The following ROBO2 variants were observed in gnomAD, a reference collection of about 807,000 sequenced individuals.
The protein encoded by ROBO2 is roundabout homolog 2.
ROBO2 carries 53 observed loss-of-function variants against 160.8 expected under a neutral mutation model. That is an observed-to-expected ratio of 0.33 (90% CI 0.26 to 0.41). ROBO2 has a LOEUF of 0.41. Ranked by LOEUF, ROBO2 falls within the 10% of genes least tolerant of loss-of-function variation. The pLI is 1.00. For missense variants in ROBO2, 1,577 were observed against 1,722.4 expected (o/e 0.92, Z 1.49); for synonymous variants, 664 against 611.7 (o/e 1.09, Z -1.26).
chr3:77,026,562 A>T lies in ROBO2; in HGVS notation c.110-71452A>T, dbSNP rs186109674. ...CTGAAACCCAAAGGCATGATTCTTT[A>T]TCTTCTGCAAAGGGCTCAGACTCAA... On this transcript the variant is annotated intron_variant, in intron 2 of 26. Transcript: ENST00000487694. Among the ~76,000 whole-genome samples, 389 of 152,310 alleles carry T rather than the reference A, an allele frequency of 2.6e-3. 4 individuals carry two copies. Among genetic ancestry groups the T allele is most frequent in the African/African-American group, 8.5e-3 (354 of 41,574 alleles).
rs772901327 is a variant in ROBO2 at position 76,058,140 on chromosome 3, C to G, written c.109+120538C>G. Among the ~76,000 whole-genome samples the G allele has an allele frequency of 4.6e-5, 7 of 151,996 alleles. No homozygotes were observed. In the Middle Eastern group the frequency reaches 0.017, roughly 369 times the overall value. On this transcript the variant is annotated intron_variant, in intron 2 of 26. Coordinates refer to the ROBO2 transcript ENST00000487694. Reference sequence around the variant, plus strand: ...AAACTATACTTTCAGTTCTGGGACACATGTGCAGAATGTGCAGGTTTGTTA... The same window carrying G: ...AAACTATACTTTCAGTTCTGGGACAGATGTGCAGAATGTGCAGGTTTGTTA...
chr3:76,013,504 A>G (rs528835600), intron 2 of ROBO2, among the ~76,000 whole-genome samples: 14 of 150,662 alleles, frequency 9.3e-5, no homozygotes, highest in South Asian at 2.1e-4. Flanking sequence ...GCATAAAGGC[A>G]GTTGGAGGCT....
intron 2 of ROBO2, among the ~76,000 whole-genome samples, chr3:76,955,900 A>AG (rs1490572893): frequency 1.3e-5 from 2 of 151,716 alleles, no homozygotes; most frequent in African/African-American, 4.8e-5. Flanking sequence ...AAAAAAAAAA[A>AG]AAAAGAAAGA....
At chr3:76,790,434 A>C (rs1359391518) in intron 2 of ROBO2, among the ~76,000 whole-genome samples, 1 of 151,702 alleles carries the variant, frequency 6.6e-6, no homozygotes, top group Non-Finnish European at 1.5e-5. Context: ...CACTAGTGCT[A>C]ATTGAACTAC....
chr3:76,791,827 C>T (rs955962420), intron 2 of ROBO2, among the ~76,000 whole-genome samples: 9 of 151,970 alleles, frequency 5.9e-5, no homozygotes, highest in African/African-American at 2.2e-4. Flanking sequence ...CACACACACA[C>T]ACACAAAATG....
rs979675738 is a variant in ROBO2 at position 76,519,525 on chromosome 3, G to A, written c.110-578489G>A. On this transcript the variant is annotated intron_variant, in intron 2 of 26. Coordinates refer to the ROBO2 transcript ENST00000487694. ...GGTAGAGGGTTAAAGGTGGGTACAC[G>A]ACAGTCAGGGGATAATTTAATAAAC... Among the ~76,000 whole-genome samples, 16 of 152,268 alleles carry A rather than the reference G, an allele frequency of 1.1e-4. 1 individual carries two copies. Among genetic ancestry groups the A allele is most frequent in the Middle Eastern group, 3.4e-3 (1 of 294 alleles).
Position 76,883,109 on chromosome 3 carries a change from A to G in ROBO2, c.110-214905A>G, listed in dbSNP as rs181321474. Among the ~76,000 whole-genome samples, 330 of 152,268 alleles carry G rather than the reference A, an allele frequency of 2.2e-3. 3 individuals are homozygous for G. Among genetic ancestry groups the G allele is most frequent in the African/African-American group, 7.6e-3 (314 of 41,558 alleles). On this transcript the variant is annotated intron_variant, in intron 2 of 26. Transcript: ENST00000487694. ...TATTTTAGGGTTTCCCTGATTTTAT[A>G]AAGCATTTGTCTGACATATTATAAC...
intron 2 of ROBO2, among the ~76,000 whole-genome samples, chr3:76,209,677 G>T (rs1298688853): frequency 6.6e-6 from 1 of 152,100 alleles, no homozygotes; most frequent in African/African-American, 2.4e-5. Context: ...GGCATAGGAT[G>T]TAATTCTTGT....
chr3:77,390,879 A>T (rs1203275362), intron 2 of ROBO2, among the ~76,000 whole-genome samples: 1 of 152,090 alleles, frequency 6.6e-6, no homozygotes, highest in Non-Finnish European at 1.5e-5. Flanking sequence ...ACAATTCAGC[A>T]CATCTCACCA....
At chr3:76,684,209 A>G (rs1404313630) in intron 2 of ROBO2, among the ~76,000 whole-genome samples, 1 of 152,134 alleles carries the variant, frequency 6.6e-6, no homozygotes, top group Non-Finnish European at 1.5e-5. Flanking sequence ...AATTGTCCAA[A>G]CCATTTTCTC....
chr3:76,436,181 C>CACACACACACA (rs1559941598), intron 2 of ROBO2, among the ~76,000 whole-genome samples: 1 of 151,252 alleles, frequency 6.6e-6, no homozygotes, highest in African/African-American at 2.4e-5. Context: ...CACACACACA[C>CACACACACACA]CATTTCTTTT....
chr3:76,864,016 T>A (rs757162071), intron 2 of ROBO2, among the ~76,000 whole-genome samples: 96 of 151,978 alleles, frequency 6.3e-4, no homozygotes, highest in Non-Finnish European at 1.1e-3. Flanking sequence ...TCCAGGTGAG[T>A]GGGCATTTCC....
chr3:76,605,665 AAT>A (rs1452135139), intron 2 of ROBO2, among the ~76,000 whole-genome samples: 2 of 152,172 alleles, frequency 1.3e-5, no homozygotes, highest in African/African-American at 4.8e-5. Context: ...AGCTGGGGAT[AAT>A]AGATTTGTAA....
chr3:76,907,823 G>GGGGTGTGTGTGTGT (rs112697690), intron 2 of ROBO2, among the ~76,000 whole-genome samples: 4,421 of 145,466 alleles, frequency 0.03, 96 homozygotes, highest in Middle Eastern at 0.074. Context: ...GTTTGTTTGG[G>GGGGTGTGTGTGTGT]GTGTGTGTGT....
chr3:76,001,034 T>C (rs1247822405), intron 2 of ROBO2, among the ~76,000 whole-genome samples: 1 of 152,220 alleles, frequency 6.6e-6, no homozygotes, highest in Non-Finnish European at 1.5e-5. Flanking sequence ...TTTCATTGAC[T>C]TGACTGCATA....
rs2074696726 is a variant in ROBO2 at position 76,895,489 on chromosome 3, C to A, written c.110-202525C>A. Among the ~76,000 whole-genome samples, 5 of 151,930 alleles carry A rather than the reference C, an allele frequency of 3.3e-5. 1 individual carries two copies. In the South Asian group the frequency reaches 1.0e-3, roughly 32 times the overall value. ...ATACTTTATCATAGCATATTTGTAG[C>A]ACAGTGCTTTATAATTTCTTTATTG... is the stretch of plus-strand genomic sequence containing the variant. On this transcript the variant is annotated intron_variant, in intron 2 of 26. Transcript: ENST00000487694.
At chr3:77,625,583 G>A (rs928860907) in intron 23 of ROBO2, among the ~76,000 whole-genome samples, 17 of 152,036 alleles carry the variant, frequency 1.1e-4, no homozygotes, top group Admixed American at 7.9e-4. Context: ...TCACCATGTT[G>A]ACCAAGAGGG....
intron 2 of ROBO2, among the ~76,000 whole-genome samples, chr3:76,237,133 A>G (rs561229466): frequency 1.3e-5 from 2 of 152,262 alleles, no homozygotes; most frequent in South Asian, 2.1e-4. Flanking sequence ...AATGTCTTCA[A>G]TTACAGAAGC....
At chr3:75,950,387 A>G (rs1238564754) in intron 2 of ROBO2, among the ~76,000 whole-genome samples, 1 of 152,142 alleles carries the variant, frequency 6.6e-6, no homozygotes, top group Non-Finnish European at 1.5e-5. Flanking sequence ...TTACATATAC[A>G]AGATTATAGC....
Sources: gnomAD v4.1 joint callset for allele counts (sites outside exome capture counted in the v4.1 genomes callset) on GRCh38, gnomAD v4.1.1 for gene constraint, MANE v1.5 for transcripts, NCBI Gene and HGNC (gene_info 2026-07-23, HGNC 2026-07-21) for gene names.